The following NCALD variants were observed in gnomAD, a reference collection of about 807,000 sequenced individuals.
The protein encoded by NCALD is neurocalcin delta, also known as neurocalcin-delta.
In NCALD, 10 loss-of-function variants were observed where a neutral mutation model predicts 18.6. The ratio of observed to expected loss-of-function variants is 0.54; its 90% CI spans 0.33 to 0.91. The LOEUF is 0.91. NCALD is among the 40% of genes least tolerant of loss of function. The pLI, the probability that NCALD is intolerant of heterozygous loss-of-function variation, is 0.03. For synonymous variants in NCALD, 88 were observed against 87.4 expected, an observed-to-expected ratio of 1.01 and a Z score of -0.04; for missense variants, 184 against 247.6, an observed-to-expected ratio of 0.74 and a Z score of 1.72.
At chr8:102,093,797 CT>C (rs1459666112) in intron 1 of NCALD, among the ~76,000 whole-genome samples, 2 of 152,188 alleles carry the variant, frequency 1.3e-5, no homozygotes, top group Admixed American at 6.5e-5. Flanking sequence ...AAAACACACC[CT>C]TGTGCTTTTG....
At chr8:101,845,236 T>C (rs912692977) in intron 4 of NCALD, among the ~76,000 whole-genome samples, 2 of 152,198 alleles carry the variant, frequency 1.3e-5, no homozygotes, top group African/African-American at 4.8e-5. Context: ...CAGTAATGTA[T>C]TTGATTTACA....
intron 1 of NCALD, among the ~76,000 whole-genome samples, chr8:101,787,668 T>C (rs1250491593): frequency 2.6e-5 from 4 of 152,202 alleles, no homozygotes; most frequent in Non-Finnish European, 5.9e-5. Flanking sequence ...CCCCCTGTAT[T>C]GGTCTTAAAT....
intron 1 of NCALD, among the ~76,000 whole-genome samples, chr8:101,738,209 T>C (rs923490052): frequency 2.6e-5 from 4 of 152,178 alleles, no homozygotes; most frequent in African/African-American, 9.7e-5. Flanking sequence ...AGGGACTTTT[T>C]TGGTGATAGT....
At chr8:102,052,565 G>A (rs1823492004) in intron 1 of NCALD, among the ~76,000 whole-genome samples, 2 of 152,218 alleles carry the variant, frequency 1.3e-5, no homozygotes, top group African/African-American at 4.8e-5. Context: ...ACATAATTCA[G>A]GAACTTTATT....
At chr8:101,709,787 G>T (rs1485502756) in intron 2 of NCALD, among the ~76,000 whole-genome samples, 1 of 152,246 alleles carries the variant, frequency 6.6e-6, no homozygotes, top group Non-Finnish European at 1.5e-5. Flanking sequence ...TGGGCAGGAA[G>T]AATTCTTCCT....
chr8:101,848,600 G>A (rs1348035608), intron 4 of NCALD, among the ~76,000 whole-genome samples: 1 of 152,098 alleles, frequency 6.6e-6, no homozygotes. Flanking sequence ...ACATTGAAAT[G>A]GTCCTAAGAT....
chr8:101,705,742 G>A (rs1187325058), intron 2 of NCALD, among the ~76,000 whole-genome samples: 3 of 152,142 alleles, frequency 2.0e-5, no homozygotes, highest in Non-Finnish European at 4.4e-5. Context: ...AAGCCACCAT[G>A]GAGGAGAGAG....
intron 1 of NCALD, among the ~76,000 whole-genome samples, chr8:102,091,367 T>C (rs1193720085): frequency 6.6e-6 from 1 of 152,230 alleles, no homozygotes; most frequent in African/African-American, 2.4e-5. Flanking sequence ...TAGATTTTAG[T>C]CTTAGTTGTT....
chr8:101,689,107 A>G lies in NCALD; in HGVS notation c.*202T>C. 1 of 704,548 alleles carries G rather than the reference A, an allele frequency of 1.4e-6. No homozygotes were observed. The highest frequency in any genetic ancestry group is 1.5e-5 in the South Asian group (1 of 67,600). 43.6% of individuals were successfully genotyped at this position (704,548 alleles called of 1,614,324 possible). On this transcript the variant is annotated 3_prime_UTR_variant, in exon 4 of 4. Coordinates refer to ENST00000220931, the MANE Select transcript of NCALD (RefSeq NM_032041.3). The surrounding 1 kb of genome is among the most constrained non-coding windows in gnomAD (Gnocchi z 4.4). ...ACCACGAAGTCTGTCCATGCTCTCC[A>G]CAAGCACACTGGGGCTCTGGGCATT...
chr8:102,049,898 C>T (rs1279959577), intron 1 of NCALD, among the ~76,000 whole-genome samples: 1 of 151,286 alleles, frequency 6.6e-6, no homozygotes, highest in Non-Finnish European at 1.5e-5. Context: ...CGCGGTGGCT[C>T]ACGCCTGTAA....
chr8:101,744,480 A>C (rs1461080304), intron 1 of NCALD, among the ~76,000 whole-genome samples: 1 of 152,258 alleles, frequency 6.6e-6, no homozygotes. Context: ...CTCCATCTCT[A>C]GCAAGACACG....
intron 4 of NCALD, among the ~76,000 whole-genome samples, chr8:101,822,643 T>C (rs1488439643): frequency 6.6e-6 from 1 of 152,228 alleles, no homozygotes; most frequent in Non-Finnish European, 1.5e-5. Context: ...CCTGTGGTGC[T>C]GGCTGTTACA....
At chr8:101,737,525 A>G (rs1809980758) in intron 1 of NCALD, among the ~76,000 whole-genome samples, 1 of 152,166 alleles carries the variant, frequency 6.6e-6, no homozygotes, top group East Asian at 1.9e-4. Context: ...GCCGCACCCC[A>G]ACCTGATTGG....
chr8:101,735,013 T>C (rs552759229), intron 1 of NCALD, among the ~76,000 whole-genome samples: 8 of 151,102 alleles, frequency 5.3e-5, no homozygotes, highest in Non-Finnish European at 1.0e-4. Flanking sequence ...CAAAAAGCCA[T>C]TGAAGGAAGG....
At chr8:101,783,489 C>G (rs1177760656) in intron 1 of NCALD, among the ~76,000 whole-genome samples, 2 of 152,180 alleles carry the variant, frequency 1.3e-5, no homozygotes, top group Non-Finnish European at 2.9e-5. Context: ...TTACTACAAA[C>G]CAGTAGAGCA....
intron 1 of NCALD, among the ~76,000 whole-genome samples, chr8:102,077,155 G>A (rs2132317232): frequency 6.6e-6 from 1 of 152,236 alleles, no homozygotes; most frequent in African/African-American, 2.4e-5. Context: ...GGGTGGGGTG[G>A]AATTGCTAGT....
intron 1 of NCALD, among the ~76,000 whole-genome samples, chr8:102,060,131 C>T (rs907213423): frequency 2.0e-5 from 3 of 152,150 alleles, no homozygotes; most frequent in Non-Finnish European, 2.9e-5. Flanking sequence ...CAGGCATGTG[C>T]CACCATGCCT....
At chr8:102,031,683 A>G (rs1459797748) in intron 1 of NCALD, among the ~76,000 whole-genome samples, 2 of 152,240 alleles carry the variant, frequency 1.3e-5, no homozygotes, top group Non-Finnish European at 2.9e-5. Context: ...TATAACAGGT[A>G]AATAAGGCAA....
intron 1 of NCALD, among the ~76,000 whole-genome samples, chr8:102,087,938 A>G (rs1824794795): frequency 6.6e-6 from 1 of 151,858 alleles, no homozygotes; most frequent in Non-Finnish European, 1.5e-5. Context: ...AACTGGTTAA[A>G]TGAATGGTAA....
Sources: allele counts gnomAD v4.1 joint callset (sites outside exome capture counted in the v4.1 genomes callset), GRCh38; gene constraint gnomAD v4.1.1; non-coding constraint Gnocchi (gnomAD v3.1); transcripts MANE v1.5; gene names NCBI Gene and HGNC (gene_info 2026-07-23, HGNC 2026-07-21).